Variants in REV1 observed in about 807,000 individuals in gnomAD.
REV1 encodes the protein translesion synthesis protein REV1.
A neutral mutation model predicts 137.4 loss-of-function variants in REV1; 42 were observed. The observed-to-expected ratio is 0.31, with a 90% CI of 0.24 to 0.40. REV1 has a LOEUF of 0.40. Among genes scored for constraint, REV1 ranks in the 10% least tolerant of loss-of-function variants. The pLI is 1.00. For synonymous variants in REV1, 524 were observed against 519.2 expected, an observed-to-expected ratio of 1.01 and a Z score of -0.12; for missense variants, 1,282 against 1,490.1, an observed-to-expected ratio of 0.86 and a Z score of 2.30.
intron 22 of REV1, among the ~76,000 whole-genome samples, chr2:99,401,905 ATTAT>A (rs1355991327): frequency 2.0e-5 from 3 of 147,172 alleles, no homozygotes; most frequent in East Asian, 2.0e-4. Context: ...ACCCCCCCAG[ATTAT>A]TTATTTTTTG....
chr2:99,454,550 C>CAAAAAAAAAAAAAAAA (rs373850478), intron 3 of REV1, among the ~76,000 whole-genome samples: 5 of 82,366 alleles, frequency 6.1e-5, no homozygotes, highest in African/African-American at 1.5e-4. Flanking sequence ...AACTCCAGCT[C>CAAAAAAAAAAAAAAAA]AAAAAAAAAA....
chr2:99,486,956 T>A (rs1687207234), intron 1 of REV1, among the ~76,000 whole-genome samples: 1 of 151,630 alleles, frequency 6.6e-6, no homozygotes, highest in African/African-American at 2.4e-5. Context: ...TAATAAATGC[T>A]ATGGAGAAAA....
intron 1 of REV1, among the ~76,000 whole-genome samples, chr2:99,482,200 A>C (rs1686678490): frequency 6.6e-6 from 1 of 152,258 alleles, no homozygotes; most frequent in Non-Finnish European, 1.5e-5. Context: ...GATGCTGTAG[A>C]GTAAGTGAGG....
chr2:99,418,233 A>C (rs1678160832), intron 12 of REV1, among the ~76,000 whole-genome samples: 1 of 152,218 alleles, frequency 6.6e-6, no homozygotes, highest in Non-Finnish European at 1.5e-5. Flanking sequence ...CTTTATAATA[A>C]ATAGGTAACT....
chr2:99,460,138 G>A (rs1308045317), intron 3 of REV1, among the ~76,000 whole-genome samples: 2 of 152,028 alleles, frequency 1.3e-5, no homozygotes, highest in Non-Finnish European at 2.9e-5. Context: ...GTGCAGTGGC[G>A]CAATCTCGGC....
At chr2:99,416,806 G>C (rs538443839) in intron 12 of REV1, among the ~76,000 whole-genome samples, 1 of 150,358 alleles carries the variant, frequency 6.7e-6, no homozygotes, top group Admixed American at 6.6e-5. Context: ...CCAGCTACTC[G>C]GGAGGCTGAG....
intron 4 of REV1, among the ~76,000 whole-genome samples, chr2:99,443,595 A>G (rs960401054): frequency 6.6e-6 from 1 of 152,222 alleles, no homozygotes; most frequent in African/African-American, 2.4e-5. Context: ...GTCAATATAT[A>G]TTTAACAATT....
chr2:99,488,991 T>C (rs896445750), intron 1 of REV1, among the ~76,000 whole-genome samples: 8 of 152,242 alleles, frequency 5.3e-5, no homozygotes, highest in Non-Finnish European at 1.0e-4. Flanking sequence ...AGCAGACGTA[T>C]ATTATCTGCA....
At position 99,409,859 on chromosome 2, in the gene REV1, C is replaced by G. The variant is rs556289774; in HGVS notation, c.2345+836G>C. Among the ~76,000 whole-genome samples, 27 of 130,644 alleles carry G rather than the reference C, an allele frequency of 2.1e-4. 1 individual carries two copies. Among genetic ancestry groups the G allele is most frequent in the African/African-American group, 5.5e-4 (21 of 37,980 alleles). 85.7% of individuals were successfully genotyped at this position (130,644 alleles called of 152,430 possible). On this transcript the variant is annotated intron_variant, in intron 14 of 22. Coordinates refer to ENST00000258428, the MANE Select transcript of REV1 (RefSeq NM_016316.4). ...CTCTGTCTCAAAACAAACAACCCCCCCCCCCCCCAAAAAAAACAGCGTTTT... is the reference window on the plus strand; with the variant it reads ...CTCTGTCTCAAAACAAACAACCCCCGCCCCCCCCAAAAAAAACAGCGTTTT...
chr2:99,418,225 T>G (rs1330702760), intron 12 of REV1, among the ~76,000 whole-genome samples: 3 of 152,218 alleles, frequency 2.0e-5, no homozygotes, highest in Non-Finnish European at 4.4e-5. Flanking sequence ...CAGAGGCACT[T>G]TATAATAAAT....
intron 12 of REV1, among the ~76,000 whole-genome samples, chr2:99,413,573 G>A (rs1225383673): frequency 6.6e-6 from 1 of 152,096 alleles, no homozygotes; most frequent in East Asian, 1.9e-4. Flanking sequence ...TGATCTCTCT[G>A]AAGAGATATG....
At chr2:99,471,274 T>G (rs750164918) in intron 1 of REV1, among the ~76,000 whole-genome samples, 9 of 152,218 alleles carry the variant, frequency 5.9e-5, no homozygotes, top group Non-Finnish European at 2.9e-5. Flanking sequence ...ATAAAGGGCT[T>G]AAGGTATGAT....
chr2:99,467,771 C>G (rs1260126891), intron 1 of REV1, among the ~76,000 whole-genome samples: 2 of 152,204 alleles, frequency 1.3e-5, no homozygotes, highest in Non-Finnish European at 2.9e-5. Context: ...GTGGGCCAGG[C>G]GTGGTGGCTC....
intron 3 of REV1, among the ~76,000 whole-genome samples, chr2:99,456,865 A>C (rs1386487118): frequency 6.6e-6 from 1 of 152,218 alleles, no homozygotes; most frequent in African/African-American, 2.4e-5. Context: ...AAAAGAACAA[A>C]CAGAAACACA....
At chr2:99,419,632 G>A (rs1297015551) in intron 11 of REV1, among the ~76,000 whole-genome samples, 1 of 152,158 alleles carries the variant, frequency 6.6e-6, no homozygotes, top group Non-Finnish European at 1.5e-5. Context: ...GTGCGCGACT[G>A]GACTGGGGAA....
intron 12 of REV1, 27 bp downstream of exon 12, chr2:99,418,801 A>G (rs1487967869): frequency 6.3e-7 from 1 of 1,596,442 alleles, no homozygotes; most frequent in East Asian, 2.2e-5. Flanking sequence ...CCTGTAATAA[A>G]AGTATTGTTA....
intron 9 of REV1, among the ~76,000 whole-genome samples, chr2:99,429,382 G>T (rs1283070264): frequency 6.6e-6 from 1 of 152,132 alleles, no homozygotes; most frequent in Non-Finnish European, 1.5e-5. Context: ...GAGATATTAA[G>T]AATGCCAATA....
intron 3 of REV1, among the ~76,000 whole-genome samples, chr2:99,453,721 C>T (rs1015889877): frequency 1.3e-5 from 2 of 151,642 alleles, no homozygotes; most frequent in Admixed American, 6.6e-5. Context: ...GATGAAACCC[C>T]GTCCCTACTA....
intron 1 of REV1, among the ~76,000 whole-genome samples, chr2:99,484,681 G>A (rs553576911): frequency 1.3e-5 from 2 of 151,590 alleles, no homozygotes; most frequent in African/African-American, 4.9e-5. Flanking sequence ...TATAGTAGTA[G>A]TAGTTAAATC....
Sources: gnomAD v4.1 joint callset for allele counts (sites outside exome capture counted in the v4.1 genomes callset) on GRCh38, gnomAD v4.1.1 for gene constraint, MANE v1.5 for transcripts, NCBI Gene and HGNC (gene_info 2026-07-23, HGNC 2026-07-21) for gene names.